The following GSE1 variants were observed in gnomAD, a reference collection of about 807,000 sequenced individuals.
GSE1 encodes genetic suppressor element 1.
Under a neutral mutation model 112.6 loss-of-function variants are expected in GSE1, and 32 were observed. The observed-to-expected ratio is 0.28, with a 90% confidence interval of 0.21 to 0.38. The LOEUF is 0.38. GSE1 is among the 10% of genes least tolerant of loss of function. The pLI, the probability that GSE1 is intolerant of heterozygous loss-of-function variation, is 1.00. For missense variants in GSE1, 2,348 were observed against 1,699.2 expected, an observed-to-expected ratio of 1.38 and a Z score of -6.71; for synonymous variants, 1,115 against 735.6, an observed-to-expected ratio of 1.52 and a Z score of -8.35.
Position 85,654,872 on chromosome 16 carries a change from C to T in GSE1, c.678C>T (p.His226=), listed in dbSNP as rs199589498. ...ACCTGAGAAGCTTCCGGCCCTACCA[C>T]ACCACCGACGACCTCCGCATGTCCT... The part of the protein sequence containing the change: ...EDYLRSFRPY[H]TTDDLRMSSL... The change falls in exon 5 of 16, where the codon CAC becomes CAT. Residue 226 remains histidine (H), a synonymous_variant. Transcript: ENST00000253458. 3 of 1,611,644 alleles carry T rather than the reference C, an allele frequency of 1.9e-6. No individual in the cohort carries two copies. Among genetic ancestry groups the T allele is most frequent in the African/African-American group, 2.7e-5 (2 of 74,868 alleles).
intron 2 of GSE1, among the ~76,000 whole-genome samples, chr16:85,519,179 C>T (rs144624332): frequency 2.6e-5 from 4 of 152,148 alleles, no homozygotes; most frequent in African/African-American, 7.2e-5. Context: ...TATTTGTAAA[C>T]GTTTTCCCCT....
intron 1 of GSE1, among the ~76,000 whole-genome samples, chr16:85,556,746 C>T (rs1188278685): frequency 7.9e-6 from 1 of 126,662 alleles, no homozygotes; most frequent in Non-Finnish European, 1.7e-5. Flanking sequence ...GATCGGGTAG[C>T]ATGCCCCCCC....
chr16:85,429,586 G>A (rs1183736292), intron 2 of GSE1, among the ~76,000 whole-genome samples: 1 of 152,190 alleles, frequency 6.6e-6, no homozygotes, highest in African/African-American at 2.4e-5. Context: ...AAAGCCTGGT[G>A]TGATCTGTTC....
At chr16:85,524,746 C>T (rs941306200) in intron 2 of GSE1, among the ~76,000 whole-genome samples, 2 of 152,082 alleles carry the variant, frequency 1.3e-5, no homozygotes, top group African/African-American at 2.4e-5. Context: ...CAACTTCCCC[C>T]GAGGGGCATC....
intron 1 of GSE1, among the ~76,000 whole-genome samples, chr16:85,580,529 T>TG (rs1460223819): frequency 6.6e-6 from 1 of 152,226 alleles, no homozygotes; most frequent in Non-Finnish European, 1.5e-5. Context: ...TAGACCCATT[T>TG]GAGACATGCC....
intron 2 of GSE1, among the ~76,000 whole-genome samples, chr16:85,489,550 C>A (rs1039577101): frequency 1.3e-5 from 2 of 151,150 alleles, no homozygotes; most frequent in East Asian, 3.9e-4. Context: ...CACCCCGCAG[C>A]GCCTGCCCCA....
At chr16:85,617,378 G>A (rs181484783) in intron 1 of GSE1, among the ~76,000 whole-genome samples, 12 of 152,334 alleles carry the variant, frequency 7.9e-5, no homozygotes, top group African/African-American at 2.6e-4. Context: ...GGAAAGAAGG[G>A]GTTGGGCTGC....
chr16:85,625,859 G>A (rs553068109), intron 1 of GSE1, among the ~76,000 whole-genome samples: 3 of 152,280 alleles, frequency 2.0e-5, no homozygotes, highest in South Asian at 2.1e-4. Flanking sequence ...GGCTCCTGCC[G>A]TGGCTCAGTG....
chr16:85,633,816 C>G, intron 1 of GSE1, 98 bp from the exon 2 acceptor site: 1 of 901,690 alleles, frequency 1.1e-6, no homozygotes, highest in Non-Finnish European at 1.8e-6. Flanking sequence ...GCCCCTGCTC[C>G]CTGCCTGCTG....
intron 12 of GSE1, among the ~76,000 whole-genome samples, chr16:85,665,636 A>AAT (rs2052786316): frequency 6.6e-6 from 1 of 152,150 alleles, no homozygotes; most frequent in Admixed American, 6.5e-5. Context: ...TGTCAGAGGG[A>AAT]ATCTTTACAG....
At chr16:85,300,547 C>T (rs1254875203) in intron 1 of GSE1, among the ~76,000 whole-genome samples, 3 of 152,334 alleles carry the variant, frequency 2.0e-5, no homozygotes, top group South Asian at 2.1e-4. Context: ...ACACACACTG[C>T]GGCCTTTGGT....
At chr16:85,599,298 C>T (rs1232640954) in intron 1 of GSE1, among the ~76,000 whole-genome samples, 1 of 152,230 alleles carries the variant, frequency 6.6e-6, no homozygotes, top group African/African-American at 2.4e-5. Flanking sequence ...AAGACGATCA[C>T]GCCACAGGTC....
chr16:85,275,873 G>T (rs1044833780), intron 1 of GSE1, among the ~76,000 whole-genome samples: 33 of 152,258 alleles, frequency 2.2e-4, no homozygotes, highest in African/African-American at 7.7e-4. Context: ...CCTGCCTGTT[G>T]GCGGTCTCTG....
At chr16:85,426,660 T>G (rs2048998958) in intron 2 of GSE1, among the ~76,000 whole-genome samples, 1 of 137,086 alleles carries the variant, frequency 7.3e-6, no homozygotes, top group Non-Finnish European at 1.6e-5. Context: ...GATGGGTGAA[T>G]GGAAGGAAGG....
At chr16:85,384,644 G>A (rs571887828) in intron 2 of GSE1, among the ~76,000 whole-genome samples, 161 of 152,320 alleles carry the variant, frequency 1.1e-3, no homozygotes, top group African/African-American at 3.6e-3. Context: ...TCAGCCTACA[G>A]AAGGGCTGGG....
chr16:85,610,270 C>T (rs949760962), upstream of GSE1, among the ~76,000 whole-genome samples: 1 of 152,240 alleles, frequency 6.6e-6, no homozygotes, highest in Non-Finnish European at 1.5e-5. Context: ...AGGCCTGGCC[C>T]TGGCACCTAC....
At chr16:85,378,548 C>T (rs902412875) in intron 2 of GSE1, among the ~76,000 whole-genome samples, 1 of 152,038 alleles carries the variant, frequency 6.6e-6, no homozygotes, top group Non-Finnish European at 1.5e-5. Flanking sequence ...ACCATGACAG[C>T]GTACACATGC....
At chr16:85,382,823 C>T (rs2047580353) in intron 2 of GSE1, among the ~76,000 whole-genome samples, 1 of 151,042 alleles carries the variant, frequency 6.6e-6, no homozygotes, top group Non-Finnish European at 1.5e-5. Context: ...CACACATGCA[C>T]AAACACACTC....
At chr16:85,574,767 C>T (rs975278027) in intron 1 of GSE1, among the ~76,000 whole-genome samples, 5 of 152,248 alleles carry the variant, frequency 3.3e-5, no homozygotes, top group African/African-American at 9.6e-5. Context: ...TCCTCCTGTG[C>T]TTCAGGTCCC....
Sources: gnomAD v4.1 joint callset for allele counts (sites outside exome capture counted in the v4.1 genomes callset) on GRCh38, gnomAD v4.1.1 for gene constraint, MANE v1.5 for transcripts, NCBI Gene and HGNC (gene_info 2026-07-23, HGNC 2026-07-21) for gene names.